PRAMEF4: variants seen among roughly 807,000 people sequenced by gnomAD.
PRAMEF4 encodes RP5-845O24.6.
A neutral mutation model predicts 34.4 loss-of-function variants in PRAMEF4; 18 were observed. The observed-to-expected ratio is 0.52, with a 90% CI of 0.36 to 0.78. The LOEUF is 0.78. Among genes scored for constraint, PRAMEF4 ranks in the 30% least tolerant of loss-of-function variants. The pLI, the probability that PRAMEF4 is intolerant of heterozygous loss-of-function variation, is 0.00. For missense variants in PRAMEF4, 482 were observed against 569.1 expected, an observed-to-expected ratio of 0.85 and a Z score of 1.56; for synonymous variants, 156 against 219.3, an observed-to-expected ratio of 0.71 and a Z score of 2.55.
intron 1 of PRAMEF4, among the ~76,000 whole-genome samples, chr1:12,885,749 C>T (rs1476253878): frequency 6.8e-6 from 1 of 147,054 alleles, no homozygotes; most frequent in Non-Finnish European, 1.5e-5. Context: ...CATGCCACTG[C>T]ACTCCAGTCT....
Position 12,883,307 on chromosome 1 carries a change from G to T in PRAMEF4, c.88C>A (p.Leu30Met), listed in dbSNP as rs1380765581. 4 of 1,600,032 alleles carry T rather than the reference G, an allele frequency of 2.5e-6. 1 individual carries two copies. Among genetic ancestry groups the T allele is most frequent in the Non-Finnish European group, 2.6e-6 (3 of 1,173,294 alleles). The change falls in exon 2 of 4, where the codon CTG becomes ATG. Residue 30 changes from leucine to methionine, a missense_variant. Coordinates refer to ENST00000235349, the MANE Select transcript of PRAMEF4 (RefSeq NM_001009611.4). ...LRDQALAMST[L>M]EELPTELFPP... ...AAAAGTTCTGTGGGCAGCTCCTCCA[G>T]GGTGGACATGGCCAAAGCTTGGTCC...
Position 12,880,609 on chromosome 1 carries a change from G to C in PRAMEF4, c.876-504C>G, listed in dbSNP as rs1011340240. 1.1e-4 allele frequency among the ~76,000 whole-genome samples: 17 copies of C among 148,910 alleles called. 1 individual carries two copies. The highest frequency in any genetic ancestry group is 1.2e-4 in the Non-Finnish European group (8 of 67,464). The stretch of plus-strand genomic sequence containing the variant: ...AAAAGGAGAAAAAATAATTCCATTT[G>C]AGGCTGAGTCACTTCACCATCATTT... On this transcript the variant is annotated intron_variant, in intron 3 of 3. Transcript: ENST00000235349.
At position 12,879,809 on chromosome 1, in the gene PRAMEF4, G is replaced by A. The variant is rs747229871; in HGVS notation, c.1172C>T (p.Pro391Leu). 6.3e-6 allele frequency: 10 copies of A among 1,599,950 alleles called. No homozygotes were observed. The East Asian group carries it at 2.2e-4, about 36-fold the overall frequency. The change falls in exon 4 of 4, where the codon CCC (proline) becomes CTC (leucine). Residue 391 changes from proline (P) to leucine (L), a missense_variant. Around this residue, in one of 6 missense-constraint regions of PRAMEF4, gnomAD observed 116 missense variants for 105.2 expected, o/e 1.10. Transcript: ENST00000235349. The stretch of plus-strand genomic sequence containing the variant: ...GTTCTCCAGGGTGGCCATGCAGATG[G>A]GATTTCCACAGAAGCTGAAGGTGTT... Reference protein sequence around the residue: ...ELNTFSFCGNPICMATLENLL... With the variant: ...ELNTFSFCGNLICMATLENLL...
At chr1:12,884,905 TG>T (rs1343442271) in intron 1 of PRAMEF4, among the ~76,000 whole-genome samples, 19 of 150,240 alleles carry the variant, frequency 1.3e-4, no homozygotes, top group Admixed American at 2.7e-4. Context: ...TTTACTAATA[TG>T]TGTCCTTCAA....
At position 12,884,377 on chromosome 1, in the gene PRAMEF4, T is replaced by A. The variant is rs559054411; in HGVS notation, c.-16-967A>T. Among the ~76,000 whole-genome samples, 3 of 148,778 alleles carry A rather than the reference T, an allele frequency of 2.0e-5. 1 individual carries two copies. The highest frequency in any genetic ancestry group is 7.5e-5 in the African/African-American group (3 of 40,246). The stretch of plus-strand genomic sequence containing the variant: ...TATGTGACACTGTTATGCATCATTC[T>A]CAAGATAGATGTTTCCAATGCACAC... On this transcript the variant is annotated intron_variant, in intron 1 of 3. Coordinates refer to ENST00000235349, the MANE Select transcript of PRAMEF4 (RefSeq NM_001009611.4).
chr1:12,885,915 C>T lies in PRAMEF4; in HGVS notation c.-17+232G>A, dbSNP rs1200385944. Reference sequence around the variant, plus strand: ...GTGTTGGGGTTAAAGGCATGAGTCACTGCTCCCTTCAAGAATTTTAAAATG... The same window carrying T: ...GTGTTGGGGTTAAAGGCATGAGTCATTGCTCCCTTCAAGAATTTTAAAATG... On this transcript the variant is annotated intron_variant, in intron 1 of 3. Coordinates refer to ENST00000235349, the MANE Select transcript of PRAMEF4 (RefSeq NM_001009611.4). Among the ~76,000 whole-genome samples, 6 of 108,722 alleles carry T rather than the reference C, an allele frequency of 5.5e-5. 1 individual carries two copies. Among genetic ancestry groups the T allele is most frequent in the African/African-American group, 1.7e-4 (4 of 23,492 alleles). 71.3% of individuals were successfully genotyped at this position (108,722 alleles called of 152,430 possible).
At position 12,884,518 on chromosome 1, in the gene PRAMEF4, G is replaced by A. The variant is rs1195363019; in HGVS notation, c.-16-1108C>T. 1.4e-5 allele frequency among the ~76,000 whole-genome samples: 2 copies of A among 147,918 alleles called. 1 individual carries two copies. Among genetic ancestry groups the A allele is most frequent in the East Asian group, 3.9e-4 (2 of 5,074 alleles). Reference sequence around the variant, plus strand: ...TCATCTGAGATCAGGAATTCAAGACGAGCCTGGCCAACATGGTAAAACCCT... The same window carrying A: ...TCATCTGAGATCAGGAATTCAAGACAAGCCTGGCCAACATGGTAAAACCCT... On this transcript the variant is annotated intron_variant, in intron 1 of 3. Coordinates refer to ENST00000235349, the MANE Select transcript of PRAMEF4 (RefSeq NM_001009611.4).
At chr1:12,883,755 T>G (rs879438232) in intron 1 of PRAMEF4, among the ~76,000 whole-genome samples, 2 of 147,862 alleles carry the variant, frequency 1.4e-5, no homozygotes, top group Non-Finnish European at 3.0e-5. Flanking sequence ...GGAATGGGAA[T>G]GTCACAAGCC....
chr1:12,885,183 G>T (rs534055416), intron 1 of PRAMEF4, among the ~76,000 whole-genome samples: 1 of 150,436 alleles, frequency 6.6e-6, no homozygotes, highest in African/African-American at 2.5e-5. Flanking sequence ...AGGCTGGAGT[G>T]CAGTGGCACC....
chr1:12,880,878 G>T (rs1640874825), intron 3 of PRAMEF4, among the ~76,000 whole-genome samples: 1 of 146,094 alleles, frequency 6.8e-6, no homozygotes, highest in East Asian at 2.0e-4. Flanking sequence ...CTCTGTTTCA[G>T]AATCATGCAT....
At chr1:12,882,770 T>C (rs1640917696) in intron 2 of PRAMEF4, among the ~76,000 whole-genome samples, 1 of 148,042 alleles carries the variant, frequency 6.8e-6, no homozygotes, top group African/African-American at 2.5e-5. Flanking sequence ...TTAGTATTTT[T>C]AGTAGAGTTG....
In PRAMEF4 at chr1:12,879,366, A is replaced by T; in HGVS notation, c.*178T>A. 1.3e-6 allele frequency: 1 copy of T among 752,704 alleles called. No individual in the cohort carries two copies. Among genetic ancestry groups the T allele is most frequent in the Non-Finnish European group, 2.1e-6 (1 of 479,606 alleles). The allele number at this position is 752,704 out of a possible 1,614,324, so 46.6% of individuals were successfully genotyped here. ...AGGTCCCCAAAGTCCCATCGAATCC[A>T]TGGCAACATTTCCCCCAAGTCCGGC... On this transcript the variant is annotated 3_prime_UTR_variant, in exon 4 of 4. Coordinates refer to ENST00000235349, the MANE Select transcript of PRAMEF4 (RefSeq NM_001009611.4).
At position 12,883,137 on chromosome 1, in the gene PRAMEF4, C is replaced by G. The variant is rs770082889; in HGVS notation, c.258G>C (p.Gly86=). 3 of 1,601,702 alleles carry G rather than the reference C, an allele frequency of 1.9e-6. No individual in the cohort carries two copies. Among genetic ancestry groups the G allele is most frequent in the Non-Finnish European group, 2.6e-6 (3 of 1,174,324 alleles). ...CLEAFQAVLD[G]LDALLNLGVR... is the part of the protein sequence containing the mutation. ...CCCCTAGGTTAAGCAGTGCATCCAG[C>G]CCATCGAGCACAGCTTGGAAGGCCT... The change falls in exon 2 of 4, where the codon GGG becomes GGC. Residue 86 remains glycine (G), a synonymous_variant. Coordinates refer to ENST00000235349, the MANE Select transcript of PRAMEF4 (RefSeq NM_001009611.4).
At chr1:12,880,724 G>A (rs1358841126) in intron 3 of PRAMEF4, among the ~76,000 whole-genome samples, 3 of 147,856 alleles carry the variant, frequency 2.0e-5, no homozygotes, top group Non-Finnish European at 4.5e-5. Context: ...CAGGAGCCCA[G>A]TGGAGATTCA....
rs763094330 is a variant in PRAMEF4, at chr1:12,879,595, G to T, written c.1386C>A (p.Asp462Glu). The T allele has an allele frequency of 1.3e-6, 2 of 1,587,880 alleles. No individual in the cohort carries two copies. Among genetic ancestry groups the T allele is most frequent in the South Asian group, 1.1e-5 (1 of 89,912 alleles). ...GGTCATAAAATGACCTGTTGCCACA[G>T]TCAGGGCAGTAGTCAGTACAGAACA... ...RILFCTDYCP[D>E]CGNRSFYDLE... is the part of the protein sequence containing the mutation. The change falls in exon 4 of 4, where the codon GAC becomes GAA. Residue 462 changes from aspartate to glutamate, a missense_variant. Physicochemically the swap from Asp to Glu is conservative, Grantham distance 45. Transcript: ENST00000235349.
rs1553167218 is a variant in PRAMEF4, at chr1:12,884,905, T to C, written c.-17+1242A>G. 1.3e-5 allele frequency among the ~76,000 whole-genome samples: 2 copies of C among 150,344 alleles called. 1 individual carries two copies. The highest frequency in any genetic ancestry group is 3.9e-4 in the East Asian group (2 of 5,150). The stretch of plus-strand genomic sequence containing the variant: ...TCACAAACATGGAGTTTTACTAATA[T>C]GTGTCCTTCAAAGTCCTGAGTGTGA... On this transcript the variant is annotated intron_variant, in intron 1 of 3. Coordinates refer to ENST00000235349, the MANE Select transcript of PRAMEF4 (RefSeq NM_001009611.4).
At position 12,883,092 on chromosome 1, in the gene PRAMEF4, G is replaced by C. The variant is rs368736511; in HGVS notation, c.293+10C>G. ...GGGCCCTCCCCACCAGCCCACCTGG[G>C]CCACCTCACCTGGGACGAACCCCTA... On this transcript the variant is annotated intron_variant, in intron 2 of 3. Transcript: ENST00000235349. 64 of 1,600,204 alleles carry C rather than the reference G, an allele frequency of 4.0e-5. 3 individuals carry two copies. The highest frequency in any genetic ancestry group is 4.1e-4 in the Middle Eastern group (2 of 4,834).
intron 1 of PRAMEF4, 81 bp from the exon 2 acceptor site, chr1:12,883,491 C>G: frequency 1.9e-6 from 3 of 1,560,762 alleles, no homozygotes; most frequent in African/African-American, 1.4e-5. Flanking sequence ...TGGCCAAACT[C>G]ACTGCTCTGG....
At chr1:12,884,707 G>C (rs796952916) in intron 1 of PRAMEF4, among the ~76,000 whole-genome samples, 1 of 147,416 alleles carries the variant, frequency 6.8e-6, no homozygotes, top group African/African-American at 2.5e-5. Flanking sequence ...AGGCTAGATT[G>C]AACAGAGAGA....
Sources: gnomAD v4.1 joint callset for allele counts (sites outside exome capture counted in the v4.1 genomes callset) on GRCh38, gnomAD v4.1.1 for gene constraint, gnomAD v4.1.1 regional missense constraint, MANE v1.5 for transcripts, NCBI Gene and HGNC (gene_info 2026-07-23, HGNC 2026-07-21) for gene names.